The following TG variants were observed in gnomAD, a reference collection of about 807,000 sequenced individuals.
The protein encoded by TG is thyroid hormones.
TG carries 270 observed loss-of-function variants against 324.7 expected under a neutral mutation model. That is an observed-to-expected ratio of 0.83 (90% CI 0.75 to 0.92). The LOEUF is 0.92. Among genes scored for constraint, TG ranks in the 40% least tolerant of loss-of-function variants. The pLI is 0.00. For synonymous variants in TG, 1,401 were observed against 1,327.0 expected, an observed-to-expected ratio of 1.06 and a Z score of -1.21; for missense variants, 3,591 against 3,456.4, an observed-to-expected ratio of 1.04 and a Z score of -0.98.
intron 43 of TG, among the ~76,000 whole-genome samples, chr8:133,111,017 G>T (rs961582707): frequency 1.3e-5 from 2 of 152,194 alleles, no homozygotes; most frequent in Non-Finnish European, 2.9e-5. Flanking sequence ...CTGGCTCAGA[G>T]AGAGGAAAAA....
At chr8:133,074,240 A>C (rs1407631051) in intron 41 of TG, among the ~76,000 whole-genome samples, 1 of 152,060 alleles carries the variant, frequency 6.6e-6, no homozygotes, top group South Asian at 2.1e-4. Flanking sequence ...TCAGATTGTT[A>C]TTAATTATCT....
At chr8:133,050,145 A>T in intron 41 of TG, 1 of 651,920 alleles carries the variant, frequency 1.5e-6, no homozygotes, top group South Asian at 1.7e-5. Flanking sequence ...GTCATCTGAA[A>T]ATTTTCTTTT....
chr8:133,113,115 A>T (rs1329063194), intron 43 of TG, among the ~76,000 whole-genome samples: 1 of 152,212 alleles, frequency 6.6e-6, no homozygotes. Context: ...AACAATGGTT[A>T]ACCTTAACAG....
At chr8:132,907,009 G>T (rs551178966) in intron 17 of TG, 109 bp downstream of exon 17, 3 of 1,176,656 alleles carry the variant, frequency 2.5e-6, no homozygotes, top group Admixed American at 2.0e-5. Flanking sequence ...AATGTAGCAC[G>T]CTGGTGGTAT....
chr8:133,103,942 A>G (rs774845444), intron 43 of TG, among the ~76,000 whole-genome samples: 1 of 152,230 alleles, frequency 6.6e-6, no homozygotes, highest in Non-Finnish European at 1.5e-5. Flanking sequence ...GATCTTAGAA[A>G]TGCCCTGAAG....
intron 35 of TG, chr8:132,994,711 C>T: frequency 7.8e-7 from 1 of 1,288,348 alleles, no homozygotes; most frequent in Non-Finnish European, 1.0e-6. Flanking sequence ...ACCTCTTCTC[C>T]CCAGTGTTTA....
Position 132,966,760 on chromosome 8 carries a change from G to A in TG, c.5686+63G>A, listed in dbSNP as rs1471256084. 3.7e-6 allele frequency: 6 copies of A among 1,609,616 alleles called. No homozygotes were observed. The East Asian group carries it at 8.9e-5, about 24-fold the overall frequency. ...ACTGTAGTCAGGCATCACAGGCCAA[G>A]TCTGGCAACTCCTGAGACACAGATA... On this transcript the variant is annotated intron_variant, in intron 30 of 47. Transcript: ENST00000220616.
At chr8:133,082,419 T>C (rs1399254076) in intron 41 of TG, among the ~76,000 whole-genome samples, 2 of 152,180 alleles carry the variant, frequency 1.3e-5, no homozygotes, top group East Asian at 3.9e-4. Flanking sequence ...TCCCTCCTTG[T>C]AGATTGCAAA....
intron 45 of TG, among the ~76,000 whole-genome samples, chr8:133,122,512 C>T (rs747237035): frequency 1.3e-5 from 2 of 152,186 alleles, no homozygotes; most frequent in African/African-American, 4.8e-5. Flanking sequence ...TCAATTGCTC[C>T]AACGTTATCC....
intron 34 of TG, among the ~76,000 whole-genome samples, chr8:132,974,612 C>T (rs1272614248): frequency 1.3e-5 from 2 of 152,146 alleles, no homozygotes; most frequent in Non-Finnish European, 2.9e-5. Context: ...CTTTCACATC[C>T]CAAAAATGAC....
intron 40 of TG, among the ~76,000 whole-genome samples, chr8:133,025,330 G>C (rs1835974316): frequency 6.6e-6 from 1 of 152,186 alleles, no homozygotes; most frequent in African/African-American, 2.4e-5. Context: ...AGCACAAAGG[G>C]GCCAGCCCTT....
At chr8:133,069,523 T>G (rs1250166827) in intron 41 of TG, among the ~76,000 whole-genome samples, 1 of 152,142 alleles carries the variant, frequency 6.6e-6, no homozygotes, top group Admixed American at 6.5e-5. Flanking sequence ...CCTCCTTAGC[T>G]CCTCAGGAAA....
intron 35 of TG, among the ~76,000 whole-genome samples, chr8:132,985,588 G>A (rs1831417669): frequency 6.6e-6 from 1 of 152,158 alleles, no homozygotes; most frequent in African/African-American, 2.4e-5. Context: ...ATGTAAATAT[G>A]GTTCACCACA....
intron 1 of TG, among the ~76,000 whole-genome samples, chr8:132,867,800 G>A (rs1189143560): frequency 6.6e-6 from 1 of 152,038 alleles, no homozygotes; most frequent in East Asian, 1.9e-4. Context: ...GGCGGGGAAC[G>A]TGTAGTCCCA....
chr8:133,079,458 G>T (rs972921210), intron 41 of TG, among the ~76,000 whole-genome samples: 1 of 152,126 alleles, frequency 6.6e-6, no homozygotes, highest in Non-Finnish European at 1.5e-5. Context: ...TCAGGAGCCA[G>T]TTGTTATATT....
intron 45 of TG, among the ~76,000 whole-genome samples, chr8:133,123,296 C>G (rs1448699201): frequency 6.6e-6 from 1 of 151,994 alleles, no homozygotes; most frequent in Admixed American, 6.6e-5. Flanking sequence ...CCCCCTCAAG[C>G]AGATGGAGTG....
chr8:132,882,170 G>A (rs1814735229), intron 6 of TG, among the ~76,000 whole-genome samples: 1 of 152,216 alleles, frequency 6.6e-6, no homozygotes, highest in African/African-American at 2.4e-5. Context: ...CCCACATAGT[G>A]CCTTTGTGCA....
chr8:133,106,545 C>A, intron 43 of TG: 1 of 782,704 alleles, frequency 1.3e-6, no homozygotes, highest in Non-Finnish European at 1.6e-6. Context: ...CCTCTGCCCT[C>A]ATCACTCCAC....
At chr8:133,122,429 C>T (rs2958692) in intron 45 of TG, among the ~76,000 whole-genome samples, 144,746 of 152,260 alleles carry the variant, frequency 0.95, 69,379 homozygotes, top group African/African-American at 0.99. Context: ...GAGCAGATTA[C>T]TTCCCCGTCC....
Sources: gnomAD v4.1 joint callset for allele counts (sites outside exome capture counted in the v4.1 genomes callset) on GRCh38, gnomAD v4.1.1 for gene constraint, MANE v1.5 for transcripts, NCBI Gene and HGNC (gene_info 2026-07-23, HGNC 2026-07-21) for gene names.